LDLRAD4: variants seen among roughly 807,000 people sequenced by gnomAD.
LDLRAD4 encodes low-density lipoprotein receptor class A domain-containing protein 4.
A neutral mutation model predicts 17.0 loss-of-function variants in LDLRAD4; 5 were observed. That is an observed-to-expected ratio of 0.29 (90% CI 0.15 to 0.62). LDLRAD4 has a LOEUF of 0.62. Ranked by LOEUF, LDLRAD4 falls within the 20% of genes least tolerant of loss-of-function variation. LDLRAD4 has a pLI of 0.84. For missense variants in LDLRAD4, 340 were observed against 424.7 expected, an observed-to-expected ratio of 0.80 and a Z score of 1.75; for synonymous variants, 168 against 171.8, an observed-to-expected ratio of 0.98 and a Z score of 0.17.
At chr18:13,427,264 G>A (rs1176048478) in intron 2 of LDLRAD4, 2 of 152,472 alleles carry the variant, frequency 1.3e-5, no homozygotes, top group Non-Finnish European at 2.9e-5. Flanking sequence ...GAAGGAAGAC[G>A]TTTTCAAATT....
At chr18:13,347,139 A>G (rs981398554) in intron 1 of LDLRAD4, among the ~76,000 whole-genome samples, 4 of 152,250 alleles carry the variant, frequency 2.6e-5, no homozygotes, top group African/African-American at 7.2e-5. Context: ...TATTTTGCTC[A>G]TTAGTTGATG....
At chr18:13,478,517 T>G (rs1278233031) in intron 3 of LDLRAD4, among the ~76,000 whole-genome samples, 1 of 152,236 alleles carries the variant, frequency 6.6e-6, no homozygotes, top group East Asian at 1.9e-4. Flanking sequence ...ATTTGAAATT[T>G]AAAGCACAAA....
rs370878033 is a variant in LDLRAD4 at position 13,611,176 on chromosome 18, A to G, written c.182-9941A>G. 262 of 154,542 alleles carry G rather than the reference A, an allele frequency of 1.7e-3. 6 individuals are homozygous for G. In the East Asian group the frequency reaches 0.027, roughly 16 times the overall value. 9.6% of individuals were successfully genotyped at this position (154,542 alleles called of 1,614,324 possible). On this transcript the variant is annotated intron_variant, in intron 3 of 5. Coordinates refer to ENST00000359446, the Ensembl canonical transcript of LDLRAD4. ...CCAGGTGACGTGCTGGGCTGACAGC[A>G]GGGCTGGCCGCTAACGTCACTGTCC...
In LDLRAD4 at chr18:13,569,363, G is replaced by GA. The variant is rs547169098; in HGVS notation, c.182-51749dup. ...CACTCTCTGTACTCTTGTCTCTATAGAAAAACTTTTTTTCAGTTGCAGGAT... is the reference window on the plus strand; with the variant it reads ...CACTCTCTGTACTCTTGTCTCTATAGAAAAAACTTTTTTTCAGTTGCAGGAT... On this transcript the variant is annotated intron_variant, in intron 3 of 5. Coordinates refer to ENST00000359446, the Ensembl canonical transcript of LDLRAD4. 6.1e-4 allele frequency among the ~76,000 whole-genome samples: 93 copies of GA among 152,326 alleles called. 1 individual carries two copies. Among genetic ancestry groups the GA allele is most frequent in the Admixed American group, 1.2e-3 (19 of 15,296 alleles).
rs577728637 is a variant in LDLRAD4, at chr18:13,415,177, G to A, written c.41-23067G>A. On this transcript the variant is annotated intron_variant, in intron 2 of 5. Transcript: ENST00000359446. ...GGTCTCTGGAATAATACAACACAGGGCCCTGAGCCCCAGAAATGCTGGCTT... is the reference window on the plus strand; with the variant it reads ...GGTCTCTGGAATAATACAACACAGGACCCTGAGCCCCAGAAATGCTGGCTT... Among the ~76,000 whole-genome samples the A allele has an allele frequency of 1.1e-3, 171 of 152,280 alleles. 1 individual carries two copies. The highest frequency in any genetic ancestry group is 3.8e-3 in the African/African-American group (160 of 41,560).
rs867205665 is a variant in LDLRAD4, at chr18:13,374,514, G to A, written c.-382-12827G>A. ...GGCCCTGCCCCGGACCTGCTGAACCGAATCTGCAGTCACCACATCCCCGGA... is the reference window on the plus strand; with the variant it reads ...GGCCCTGCCCCGGACCTGCTGAACCAAATCTGCAGTCACCACATCCCCGGA... On this transcript the variant is annotated intron_variant, in intron 1 of 5. Transcript: ENST00000359446. Among the ~76,000 whole-genome samples, 7 of 152,348 alleles carry A rather than the reference G, an allele frequency of 4.6e-5. No homozygotes were observed. The South Asian group carries it at 1.0e-3, about 23-fold the overall frequency.
At chr18:13,411,620 C>G (rs891558449) in intron 2 of LDLRAD4, among the ~76,000 whole-genome samples, 1 of 152,200 alleles carries the variant, frequency 6.6e-6, no homozygotes, top group Non-Finnish European at 1.5e-5. Context: ...TGCACACGCT[C>G]TCTTGCCTGC....
chr18:13,533,745 T>C (rs2094162788), intron 3 of LDLRAD4, among the ~76,000 whole-genome samples: 1 of 152,126 alleles, frequency 6.6e-6, no homozygotes, highest in African/African-American at 2.4e-5. Flanking sequence ...TATTTTTGAA[T>C]TGAGTTTAAT....
chr18:13,357,520 T>C (rs1027648176), intron 1 of LDLRAD4, among the ~76,000 whole-genome samples: 6 of 152,198 alleles, frequency 3.9e-5, no homozygotes, highest in Non-Finnish European at 7.3e-5. Context: ...TAATTCAACA[T>C]GTTTGTTTAT....
At chr18:13,614,323 C>T (rs2039884030) in intron 3 of LDLRAD4, 1 of 151,908 alleles carries the variant, frequency 6.6e-6, no homozygotes, top group Admixed American at 6.6e-5. Flanking sequence ...CAGAGCTGCA[C>T]AGGAAGTCCC....
chr18:13,610,027 T>C (rs762002700), intron 3 of LDLRAD4, among the ~76,000 whole-genome samples: 4 of 152,098 alleles, frequency 2.6e-5, no homozygotes, highest in Non-Finnish European at 5.9e-5. Flanking sequence ...ATGGCCAAGA[T>C]GCCCAGTGAC....
At chr18:13,474,119 C>G (rs1025419822) in intron 3 of LDLRAD4, among the ~76,000 whole-genome samples, 12 of 152,168 alleles carry the variant, frequency 7.9e-5, no homozygotes, top group Non-Finnish European at 1.2e-4. Context: ...GCTTGCTCCC[C>G]CTTTGCCTTC....
intron 3 of LDLRAD4, among the ~76,000 whole-genome samples, chr18:13,545,876 G>A (rs1369565177): frequency 6.6e-6 from 1 of 152,214 alleles, no homozygotes; most frequent in Non-Finnish European, 1.5e-5. Context: ...GGACCCAACA[G>A]GTGAGAGTCA....
chr18:13,401,734 G>T (rs2087226654), intron 2 of LDLRAD4, among the ~76,000 whole-genome samples: 2 of 152,294 alleles, frequency 1.3e-5, no homozygotes, highest in Admixed American at 1.3e-4. Flanking sequence ...TGGAGAATGG[G>T]GTCTGCTCCC....
chr18:13,585,090 G>A (rs967569581), intron 3 of LDLRAD4, among the ~76,000 whole-genome samples: 2 of 152,214 alleles, frequency 1.3e-5, no homozygotes, highest in African/African-American at 4.8e-5. Flanking sequence ...GAATAAGAAT[G>A]AGCCTCATGC....
At chr18:13,436,196 T>C (rs2090643148) in intron 2 of LDLRAD4, among the ~76,000 whole-genome samples, 1 of 152,236 alleles carries the variant, frequency 6.6e-6, no homozygotes, top group Non-Finnish European at 1.5e-5. Context: ...AAATAGTTCA[T>C]GTCATAAGCT....
rs57033432 is a variant in LDLRAD4 at position 13,321,861 on chromosome 18, CAAAAAAAAAAAAAAAAAAAAAAAAAA to C, written c.-383+43689_-383+43714del. On this transcript the variant is annotated intron_variant, in intron 1 of 5. Coordinates refer to ENST00000359446, the Ensembl canonical transcript of LDLRAD4. ...AGGCAACAACAGCGAGACTCCGTCT[CAAAAAAAAAAAAAAAAAAAAAAAAAA>C]AAAAAAAAAAAAAAAGAAAAGAAAA... 4.8e-4 allele frequency among the ~76,000 whole-genome samples: 30 copies of C among 62,142 alleles called. 1 individual carries two copies. The highest frequency in any genetic ancestry group is 3.6e-4 in the Non-Finnish European group (13 of 35,800). The allele number at this position is 62,142 out of a possible 152,430, so 40.8% of individuals were successfully genotyped here. A position where few individuals can be genotyped will look rare whatever the true frequency, so the allele number is the denominator to read the frequency against.
chr18:13,489,826 T>C (rs1034784629), intron 3 of LDLRAD4: 3 of 152,190 alleles, frequency 2.0e-5, no homozygotes, highest in African/African-American at 7.2e-5. Flanking sequence ...CCCCAGCATC[T>C]GTTTGCTGCT....
At chr18:13,534,405 T>C (rs901239332) in intron 3 of LDLRAD4, among the ~76,000 whole-genome samples, 1 of 152,246 alleles carries the variant, frequency 6.6e-6, no homozygotes, top group African/African-American at 2.4e-5. Flanking sequence ...AACACGAATG[T>C]TAATTTACAT....
Sources: allele counts gnomAD v4.1 joint callset (sites outside exome capture counted in the v4.1 genomes callset), GRCh38; gene constraint gnomAD v4.1.1; transcripts MANE v1.5; gene names NCBI Gene and HGNC (gene_info 2026-07-23, HGNC 2026-07-21).